Variants in ACTR3C observed in about 807,000 individuals in gnomAD.
ACTR3C encodes the protein actin related protein 3C, also known as actin-related protein 3C.
Under a neutral mutation model 26.3 loss-of-function variants are expected in ACTR3C, and 18 were observed. The ratio of observed to expected loss-of-function variants is 0.68; its 90% CI spans 0.47 to 1.01. The LOEUF is 1.01. Among genes scored for constraint, ACTR3C ranks in the 50% least tolerant of loss-of-function variants. ACTR3C has a pLI of 0.00. For missense variants in ACTR3C, 184 were observed against 250.7 expected (o/e 0.73, Z 1.80); for synonymous variants, 55 against 94.5 (o/e 0.58, Z 2.42).
At chr7:150,085,898 G>A in the ACTR3C span, among the ~76,000 whole-genome samples, 1 of 152,080 alleles carries the variant, frequency 6.6e-6, no homozygotes, top group African/African-American at 2.4e-5. Flanking sequence ...AGAACATGGA[G>A]GGGTATCAAG....
At chr7:150,029,426 A>AAAC in the ACTR3C span, among the ~76,000 whole-genome samples, 83,861 of 128,864 alleles carry the variant, frequency 0.65, 28,312 homozygotes, top group South Asian at 0.76. Context: ...AACAAACAAA[A>AAAC]AAAAACCATG....
At chr7:150,125,961 A>G in the ACTR3C span, among the ~76,000 whole-genome samples, 135 of 152,230 alleles carry the variant, frequency 8.9e-4, 5 homozygotes, top group South Asian at 0.025. Flanking sequence ...GGTTTGCTGC[A>G]TGCAGGGCTG....
At chr7:149,913,905 T>TTTG in the ACTR3C span, among the ~76,000 whole-genome samples, 1 of 148,172 alleles carries the variant, frequency 6.7e-6, no homozygotes, top group South Asian at 2.2e-4. Flanking sequence ...TTTTTTTTTT[T>TTTG]GAGACAGTCT....
At chr7:150,158,652 G>T in the ACTR3C span, among the ~76,000 whole-genome samples, 1 of 152,246 alleles carries the variant, frequency 6.6e-6, no homozygotes, top group Non-Finnish European at 1.5e-5. Context: ...TAGAACATCA[G>T]TTGAGGACGG....
the ACTR3C span, among the ~76,000 whole-genome samples, chr7:150,106,070 A>G: frequency 6.6e-6 from 1 of 152,050 alleles, no homozygotes; most frequent in Non-Finnish European, 1.5e-5. Context: ...CTTGCTTGAA[A>G]TGAGCAACTT....
chr7:150,183,696 C>CAAAAAAA, the ACTR3C span, among the ~76,000 whole-genome samples: 4 of 48,020 alleles, frequency 8.3e-5, no homozygotes, highest in African/African-American at 2.8e-4. Context: ...GTGGCTATGG[C>CAAAAAAA]AAAAAAAAAA....
chr7:150,285,174 G>T (rs1263599652), intron 5 of ACTR3C, among the ~76,000 whole-genome samples: 1 of 152,134 alleles, frequency 6.6e-6, no homozygotes, highest in South Asian at 2.1e-4. Flanking sequence ...TACGTGACAC[G>T]CAGTGAGAAA....
chr7:150,084,626 C>T, the ACTR3C span, among the ~76,000 whole-genome samples: 35 of 152,174 alleles, frequency 2.3e-4, no homozygotes, highest in South Asian at 1.7e-3. Flanking sequence ...AGGAATAGAA[C>T]GCGGGCTGAT....
At chr7:150,003,342 GGAAT>G in the ACTR3C span, among the ~76,000 whole-genome samples, 1 of 137,408 alleles carries the variant, frequency 7.3e-6, no homozygotes, top group Admixed American at 7.6e-5. Flanking sequence ...TGTCGTATGT[GGAAT>G]GTGTGGTATG....
intron 6 of ACTR3C, among the ~76,000 whole-genome samples, chr7:150,258,006 C>A (rs139121863): frequency 6.6e-6 from 1 of 152,084 alleles, no homozygotes; most frequent in African/African-American, 2.4e-5. Context: ...GTTAGAGGTG[C>A]GACCAAGGGG....
the ACTR3C span, among the ~76,000 whole-genome samples, chr7:150,017,341 T>A: frequency 6.6e-6 from 1 of 151,792 alleles, no homozygotes; most frequent in African/African-American, 2.4e-5. Flanking sequence ...TTCCTTGAAG[T>A]CTTCTTATTT....
chr7:150,293,829 G>A (rs1310027779), intron 2 of ACTR3C, among the ~76,000 whole-genome samples: 2 of 152,104 alleles, frequency 1.3e-5, no homozygotes, highest in African/African-American at 2.4e-5. Context: ...CCAGCTACTC[G>A]GGAGACTGAG....
chr7:150,161,187 G>A, the ACTR3C span, among the ~76,000 whole-genome samples: 1 of 117,716 alleles, frequency 8.5e-6, no homozygotes, highest in Admixed American at 8.9e-5. Context: ...CAGATGAAAC[G>A]AGGGAGGAAA....
chr7:150,058,092 G>A, the ACTR3C span, among the ~76,000 whole-genome samples: 2 of 151,980 alleles, frequency 1.3e-5, no homozygotes, highest in Non-Finnish European at 2.9e-5. Context: ...CATTGTATTG[G>A]TCATATCTAA....
chr7:150,117,044 A>G, the ACTR3C span, among the ~76,000 whole-genome samples: 1 of 152,186 alleles, frequency 6.6e-6, no homozygotes. Context: ...GGACAATGCT[A>G]TCCAGCCCAA....
the ACTR3C span, among the ~76,000 whole-genome samples, chr7:149,897,605 C>T: frequency 6.6e-6 from 1 of 152,240 alleles, no homozygotes; most frequent in African/African-American, 2.4e-5. Context: ...GTGGCTCACG[C>T]CTGTAATCCC....
the ACTR3C span, among the ~76,000 whole-genome samples, chr7:150,036,916 CCCT>C: frequency 9.0e-6 from 1 of 111,012 alleles, no homozygotes; most frequent in South Asian, 2.6e-4. Flanking sequence ...AGTGCCTCCC[CCCT>C]CTGCGATGGG....
the ACTR3C span, among the ~76,000 whole-genome samples, chr7:149,918,239 A>G: frequency 1.6e-4 from 25 of 152,116 alleles, no homozygotes; most frequent in African/African-American, 5.8e-4. Flanking sequence ...AATTCTGAAC[A>G]TTGTTGTAAG....
intron 1 of ACTR3C, among the ~76,000 whole-genome samples, chr7:150,302,029 T>C (rs1584970038): frequency 6.6e-6 from 1 of 151,962 alleles, no homozygotes; most frequent in African/African-American, 2.4e-5. Flanking sequence ...ATGTGTATTT[T>C]AGAATAAAAA....
Sources: allele counts gnomAD v4.1 joint callset (sites outside exome capture counted in the v4.1 genomes callset), GRCh38; gene constraint gnomAD v4.1.1; transcripts MANE v1.5; gene names NCBI Gene and HGNC (gene_info 2026-07-23, HGNC 2026-07-21).